Variants in ZNF536 observed in about 807,000 individuals in gnomAD.
The protein encoded by ZNF536 is zinc finger protein 536.
In ZNF536, 13 loss-of-function variants were observed where a neutral mutation model predicts 84.5. That is an observed-to-expected ratio of 0.15 (90% CI 0.10 to 0.24). The LOEUF (loss-of-function observed/expected upper bound fraction) is 0.24, where lower values mean the gene tolerates loss of function less well. Among genes scored for constraint, ZNF536 ranks in the 10% least tolerant of loss-of-function variants. The pLI is 1.00. For synonymous variants in ZNF536, 811 were observed against 742.5 expected (o/e 1.09, Z -1.50); for missense variants, 1,536 against 1,747.5 (o/e 0.88, Z 2.16).
chr19:30,706,348 G>A (rs760223573), intron 1 of ZNF536, among the ~76,000 whole-genome samples: 3 of 152,004 alleles, frequency 2.0e-5, no homozygotes, highest in East Asian at 1.9e-4. Flanking sequence ...TTAGCCGGTC[G>A]TGGTGGCGGG....
chr19:30,548,586 C>G lies in ZNF536; in HGVS notation c.2967C>G (p.Gly989=), dbSNP rs146165431. ...SVRPDAASLP[G]SSVTVQDSIA... The stretch of plus-strand genomic sequence containing the variant: ...GGCCAGATGCCGCCTCCCTCCCGGG[C>G]TCCTCGGTAACTGTGCAGGACAGCA... Residue 989 remains glycine (G), a synonymous_variant, in exon 4 of 5, where the codon GGC becomes GGG. Transcript: ENST00000355537. 6.2e-7 allele frequency: 1 copy of G among 1,614,062 alleles called. No individual in the cohort carries two copies. The highest frequency in any genetic ancestry group is 8.5e-7 in the Non-Finnish European group (1 of 1,180,038).
intron 2 of ZNF536, among the ~76,000 whole-genome samples, chr19:30,483,460 G>A (rs941778585): frequency 1.3e-5 from 2 of 152,016 alleles, no homozygotes; most frequent in South Asian, 2.1e-4. Flanking sequence ...GCTGCCTGGC[G>A]GGGTGAACAG....
chr19:30,296,160 A>G (rs970796889), intron 2 of ZNF536: 8 of 152,194 alleles, frequency 5.3e-5, no homozygotes, highest in Non-Finnish European at 8.8e-5. Context: ...TTCAGAGATG[A>G]GTATTTGATG....
At chr19:30,232,530 T>A (rs985903445) in intron 1 of ZNF536, among the ~76,000 whole-genome samples, 3 of 152,182 alleles carry the variant, frequency 2.0e-5, no homozygotes, top group African/African-American at 4.8e-5. Context: ...GAGAACATGC[T>A]GTATTTGGTT....
chr19:30,446,248 C>CAAAAAAAAAAAA lies in ZNF536; in HGVS notation c.2170+531_2170+542dup, dbSNP rs1177505634. Among the ~76,000 whole-genome samples the CAAAAAAAAAAAA allele has an allele frequency of 1.2e-3, 34 of 29,118 alleles. 1 individual carries two copies. The highest frequency in any genetic ancestry group is 2.0e-3 in the African/African-American group (13 of 6,646). 19.1% of individuals were successfully genotyped at this position (29,118 alleles called of 152,430 possible). A position where few individuals can be genotyped will look rare whatever the true frequency, so the allele number is the denominator to read the frequency against. ...TGAGCGACAGAGTGAGACACTGTCT[C>CAAAAAAAAAAAA]AAAAAAAAAAAAAAAAAAAAAAAAA... On this transcript the variant is annotated intron_variant, in intron 2 of 4. Transcript: ENST00000355537.
chr19:30,663,085 A>G (rs796366508), intron 1 of ZNF536, among the ~76,000 whole-genome samples: 46 of 151,864 alleles, frequency 3.0e-4, no homozygotes, highest in African/African-American at 1.1e-3. Flanking sequence ...GAAATCAGCC[A>G]ATACTTCCCT....
intron 1 of ZNF536, among the ~76,000 whole-genome samples, chr19:30,442,467 G>T (rs2052098117): frequency 6.6e-6 from 1 of 152,186 alleles, no homozygotes; most frequent in Non-Finnish European, 1.5e-5. Flanking sequence ...CTCAAACTTG[G>T]TTGAGACTTC....
chr19:30,568,394 G>T (rs4805582), intron 1 of ZNF536, among the ~76,000 whole-genome samples: 52,316 of 152,034 alleles, frequency 0.34, 9,022 homozygotes, highest in East Asian at 0.42. Flanking sequence ...ACAAAGAGGA[G>T]TATATTTATT....
At chr19:30,400,271 G>A (rs1031214691) in intron 1 of ZNF536, among the ~76,000 whole-genome samples, 2 of 151,928 alleles carry the variant, frequency 1.3e-5, no homozygotes, top group Non-Finnish European at 2.9e-5. Flanking sequence ...GTATGGTAAG[G>A]GTATGTTTTA....
chr19:30,482,738 T>C (rs958625570), intron 2 of ZNF536, among the ~76,000 whole-genome samples: 4 of 152,238 alleles, frequency 2.6e-5, no homozygotes, highest in African/African-American at 9.6e-5. Context: ...GATGCCTCGC[T>C]TTCCAGCCAG....
intron 1 of ZNF536, among the ~76,000 whole-genome samples, chr19:30,679,037 C>T (rs1418781440): frequency 3.3e-5 from 5 of 152,142 alleles, no homozygotes; most frequent in South Asian, 4.2e-4. Flanking sequence ...CCTTCAACAC[C>T]GAGCCAGCCG....
intron 1 of ZNF536, among the ~76,000 whole-genome samples, chr19:30,634,012 C>G (rs1312676894): frequency 2.0e-5 from 3 of 152,138 alleles, no homozygotes; most frequent in Non-Finnish European, 2.9e-5. Flanking sequence ...AAGCATGTGC[C>G]TGAAGTGACA....
At chr19:30,614,455 C>T (rs1332168721) in intron 1 of ZNF536, among the ~76,000 whole-genome samples, 5 of 50,482 alleles carry the variant, frequency 9.9e-5, no homozygotes, top group South Asian at 7.0e-4. Context: ...GGGGACTGGG[C>T]GGGGGCGGGG....
intron 2 of ZNF536, among the ~76,000 whole-genome samples, chr19:30,321,351 G>GT (rs1230403021): frequency 1.3e-5 from 2 of 152,284 alleles, no homozygotes; most frequent in East Asian, 3.9e-4. Flanking sequence ...GAAGTCAGGA[G>GT]TTTGAGACCA....
intron 1 of ZNF536, among the ~76,000 whole-genome samples, chr19:30,375,019 G>C (rs1053693354): frequency 6.6e-6 from 1 of 151,890 alleles, no homozygotes; most frequent in Non-Finnish European, 1.5e-5. Flanking sequence ...CTCTGGGAGC[G>C]GGGGAAGGTG....
intron 1 of ZNF536, among the ~76,000 whole-genome samples, chr19:30,279,676 C>T (rs991564318): frequency 2.6e-5 from 4 of 152,128 alleles, no homozygotes; most frequent in Admixed American, 1.3e-4. Flanking sequence ...CTGGAGAAGA[C>T]GCTCTGTGTA....
chr19:30,408,145 C>T (rs1453374835), intron 1 of ZNF536, among the ~76,000 whole-genome samples: 4 of 152,060 alleles, frequency 2.6e-5, no homozygotes, highest in East Asian at 1.9e-4. Context: ...TACCTGTGCA[C>T]GAGTACATGT....
At chr19:30,403,956 G>A (rs964237274) in intron 1 of ZNF536, among the ~76,000 whole-genome samples, 1 of 151,718 alleles carries the variant, frequency 6.6e-6, no homozygotes, top group African/African-American at 2.4e-5. Flanking sequence ...TTGAAGGGTG[G>A]ATTCAGGCAA....
At chr19:30,421,803 T>C (rs1054820961) in intron 1 of ZNF536, among the ~76,000 whole-genome samples, 3 of 152,186 alleles carry the variant, frequency 2.0e-5, no homozygotes. Flanking sequence ...ACCTTCTACC[T>C]CTGCCAGCCT....
Sources: gnomAD v4.1 joint callset for allele counts (sites outside exome capture counted in the v4.1 genomes callset) on GRCh38, gnomAD v4.1.1 for gene constraint, MANE v1.5 for transcripts, NCBI Gene and HGNC (gene_info 2026-07-23, HGNC 2026-07-21) for gene names.